Variants in PGCKA1 observed in about 807,000 individuals in gnomAD.
The protein encoded by PGCKA1 is PDCD10 and GCKIII kinases associated 1, also known as PDCD10 and GCKIII kinases-associated protein 1.
the PGCKA1 span, among the ~76,000 whole-genome samples, chr4:37,533,079 C>T: frequency 9.9e-6 from 1 of 101,060 alleles, no homozygotes; most frequent in African/African-American, 3.2e-5. Flanking sequence ...CCAGATACCA[C>T]CTGTACACCC....
chr4:37,563,533 T>A, the PGCKA1 span, among the ~76,000 whole-genome samples: 1 of 152,254 alleles, frequency 6.6e-6, no homozygotes, highest in Non-Finnish European at 1.5e-5. Context: ...CATTTAACCT[T>A]AATTACCTCC....
At chr4:37,538,796 A>G in the PGCKA1 span, among the ~76,000 whole-genome samples, 5 of 152,236 alleles carry the variant, frequency 3.3e-5, no homozygotes, top group Non-Finnish European at 7.3e-5. Flanking sequence ...ACAGAAAAAT[A>G]GAAAAGAATG....
At chr4:37,507,087 T>G in the PGCKA1 span, among the ~76,000 whole-genome samples, 1 of 152,174 alleles carries the variant, frequency 6.6e-6, no homozygotes, top group Non-Finnish European at 1.5e-5. Context: ...TTGTCTGCTA[T>G]GAGTATAGCT....
chr4:37,472,408 G>T, the PGCKA1 span, among the ~76,000 whole-genome samples: 1 of 152,228 alleles, frequency 6.6e-6, no homozygotes, highest in African/African-American at 2.4e-5. Flanking sequence ...GGGGTAAGGG[G>T]TGTTGAAAAA....
At chr4:37,474,209 T>A in the PGCKA1 span, among the ~76,000 whole-genome samples, 1 of 152,164 alleles carries the variant, frequency 6.6e-6, no homozygotes, top group East Asian at 1.9e-4. Context: ...GGGTTCCTGA[T>A]AAAAGGAAGA....
chr4:37,504,813 T>A, the PGCKA1 span, among the ~76,000 whole-genome samples: 1 of 152,208 alleles, frequency 6.6e-6, no homozygotes, highest in Non-Finnish European at 1.5e-5. Context: ...GATCTAATAG[T>A]TTTTGGTGGA....
chr4:37,481,774 G>T, the PGCKA1 span, among the ~76,000 whole-genome samples: 11 of 152,096 alleles, frequency 7.2e-5, no homozygotes, highest in Non-Finnish European at 1.3e-4. Context: ...ATATGGTTTG[G>T]CTGTGTCGCC....
At chr4:37,556,375 C>G in the PGCKA1 span, among the ~76,000 whole-genome samples, 1 of 152,106 alleles carries the variant, frequency 6.6e-6, no homozygotes, top group Admixed American at 6.5e-5. Context: ...TCAAGCGATT[C>G]TCCTGCCTCC....
chr4:37,463,017 G>C, the PGCKA1 span, among the ~76,000 whole-genome samples: 3 of 151,440 alleles, frequency 2.0e-5, no homozygotes, highest in Admixed American at 2.0e-4. Flanking sequence ...ACCTGGAAGG[G>C]GTCTTCAGTG....
At chr4:37,521,268 C>T in the PGCKA1 span, among the ~76,000 whole-genome samples, 1 of 152,202 alleles carries the variant, frequency 6.6e-6, no homozygotes, top group Admixed American at 6.5e-5. Context: ...GTCTAGGTGC[C>T]ACCTCAGCCA....
At chr4:37,509,852 A>G in the PGCKA1 span, among the ~76,000 whole-genome samples, 1 of 151,430 alleles carries the variant, frequency 6.6e-6, no homozygotes, top group African/African-American at 2.4e-5. Context: ...AATCCCAGGC[A>G]CTCTGCAGGC....
chr4:37,494,846 T>C, the PGCKA1 span, among the ~76,000 whole-genome samples: 77 of 152,286 alleles, frequency 5.1e-4, no homozygotes, highest in Middle Eastern at 6.8e-3. Flanking sequence ...TATCTCATTA[T>C]GGTTTTGATT....
At chr4:37,455,598 G>T in the PGCKA1 span, among the ~76,000 whole-genome samples, 1 of 152,220 alleles carries the variant, frequency 6.6e-6, no homozygotes, top group East Asian at 1.9e-4. Context: ...TACCTAAAGA[G>T]AAATAGGGCC....
chr4:37,518,811 G>A, the PGCKA1 span, among the ~76,000 whole-genome samples: 1 of 152,188 alleles, frequency 6.6e-6, no homozygotes, highest in African/African-American at 2.4e-5. Context: ...TTGGTTGCCT[G>A]TGCTTAGGAG....
chr4:37,571,944 T>C, the PGCKA1 span, among the ~76,000 whole-genome samples: 3 of 150,730 alleles, frequency 2.0e-5, no homozygotes, highest in Admixed American at 2.0e-4. Flanking sequence ...ATAGGGAATA[T>C]CTTAATAACA....
chr4:37,572,906 A>G, the PGCKA1 span, among the ~76,000 whole-genome samples: 3 of 152,356 alleles, frequency 2.0e-5, no homozygotes, highest in South Asian at 4.1e-4. Flanking sequence ...TTTGGATTTC[A>G]GATGCTCAAC....
the PGCKA1 span, among the ~76,000 whole-genome samples, chr4:37,549,066 A>T: frequency 1.3e-5 from 2 of 151,714 alleles, no homozygotes; most frequent in African/African-American, 4.8e-5. Context: ...TGCAGGTCAG[A>T]CCCGAGGGCC....
At chr4:37,564,597 C>G in the PGCKA1 span, among the ~76,000 whole-genome samples, 1 of 152,020 alleles carries the variant, frequency 6.6e-6, no homozygotes, top group East Asian at 1.9e-4. Context: ...ACCTCCGCCT[C>G]TTGGATTCAA....
At chr4:37,591,171 A>G in the PGCKA1 span, 2 of 594,836 alleles carry the variant, frequency 3.4e-6, no homozygotes, top group Admixed American at 6.3e-5. Context: ...GCTGCTTGTC[A>G]CATATCTGGA....
Sources: allele counts gnomAD v4.1 joint callset (sites outside exome capture counted in the v4.1 genomes callset), GRCh38; gene constraint gnomAD v4.1.1; transcripts MANE v1.5; gene names NCBI Gene and HGNC (gene_info 2026-07-23, HGNC 2026-07-21).